The following MYO10 variants were observed in gnomAD, a reference collection of about 807,000 sequenced individuals.
MYO10 encodes the protein unconventional myosin-X.
In MYO10, 133 loss-of-function variants were observed where a neutral mutation model predicts 257.3. The observed-to-expected ratio is 0.52, with a 90% CI of 0.45 to 0.60. MYO10 has a LOEUF of 0.60. Among genes scored for constraint, MYO10 ranks in the 20% least tolerant of loss-of-function variants. The pLI, the probability that MYO10 is intolerant of heterozygous loss-of-function variation, is 0.00. For synonymous variants in MYO10, 1,104 were observed against 1,028.6 expected, an observed-to-expected ratio of 1.07 and a Z score of -1.40; for missense variants, 2,399 against 2,635.7, an observed-to-expected ratio of 0.91 and a Z score of 1.97.
chr5:16,815,479 A>C (rs1446588236), intron 3 of MYO10: 1 of 695,822 alleles, frequency 1.4e-6, no homozygotes, highest in Non-Finnish European at 2.6e-6. Context: ...AGAGACATAC[A>C]CCAATAAAAA....
At chr5:16,694,284 T>C (rs1737633093) in intron 27 of MYO10, 87 bp downstream of exon 27, 26 of 1,576,896 alleles carry the variant, frequency 1.6e-5, no homozygotes, top group South Asian at 3.5e-5. Flanking sequence ...CTACTGCCGC[T>C]GCAAGGAACT....
chr5:16,869,544 A>T (rs1225439490), intron 2 of MYO10, among the ~76,000 whole-genome samples: 1 of 152,038 alleles, frequency 6.6e-6, no homozygotes, highest in Non-Finnish European at 1.5e-5. Flanking sequence ...ACCCCAGCCT[A>T]GATGACAGAG....
At chr5:16,739,995 A>G (rs1430567326) in intron 19 of MYO10, among the ~76,000 whole-genome samples, 1 of 152,158 alleles carries the variant, frequency 6.6e-6, no homozygotes, top group Non-Finnish European at 1.5e-5. Flanking sequence ...TTGCCGGAGA[A>G]AAAAACAAGG....
At chr5:16,763,305 C>T (rs1395782750) in intron 14 of MYO10, among the ~76,000 whole-genome samples, 176 bp downstream of exon 14, 2 of 152,128 alleles carry the variant, frequency 1.3e-5, no homozygotes, top group Non-Finnish European at 2.9e-5. Flanking sequence ...TTTGAAGCAG[C>T]CAAGTATTTA....
chr5:16,849,380 T>C (rs1743733506), intron 2 of MYO10, among the ~76,000 whole-genome samples: 2 of 151,244 alleles, frequency 1.3e-5, no homozygotes, highest in Admixed American at 6.6e-5. Context: ...TATGAGTAAA[T>C]GTTTACTAAT....
intron 3 of MYO10, among the ~76,000 whole-genome samples, chr5:16,816,221 C>T (rs1742603243): frequency 6.6e-6 from 1 of 151,570 alleles, no homozygotes; most frequent in African/African-American, 2.4e-5. Flanking sequence ...CGCCTGTAGT[C>T]CCAGCTACTC....
intron 19 of MYO10, among the ~76,000 whole-genome samples, chr5:16,743,418 G>T (rs1255568323): frequency 6.6e-6 from 1 of 152,090 alleles, no homozygotes; most frequent in African/African-American, 2.4e-5. Context: ...CGAGGTGAGT[G>T]GATCACCTGA....
At chr5:16,818,267 G>A (rs1310642384) in intron 2 of MYO10, 100 bp from the exon 3 acceptor site, 9 of 1,054,880 alleles carry the variant, frequency 8.5e-6, no homozygotes, top group South Asian at 2.1e-5. Flanking sequence ...ATAATTTCAG[G>A]AAAAAGATTC....
At chr5:16,728,886 CT>C (rs1739472081) in intron 19 of MYO10, among the ~76,000 whole-genome samples, 3 of 152,244 alleles carry the variant, frequency 2.0e-5, no homozygotes, top group African/African-American at 7.2e-5. Flanking sequence ...TTACAGCGAT[CT>C]GATGTGGCTG....
intron 1 of MYO10, among the ~76,000 whole-genome samples, chr5:16,904,398 A>C (rs1017169388): frequency 4.6e-5 from 7 of 152,314 alleles, no homozygotes; most frequent in African/African-American, 1.7e-4. Context: ...AGATCAAGGG[A>C]ACCCTGATGT....
At chr5:16,812,771 T>A (rs1049977254) in intron 3 of MYO10, among the ~76,000 whole-genome samples, 1 of 152,062 alleles carries the variant, frequency 6.6e-6, no homozygotes, top group African/African-American at 2.4e-5. Context: ...CTTTAAAACA[T>A]CCCTGTTAAG....
intron 3 of MYO10, among the ~76,000 whole-genome samples, chr5:16,811,249 C>A (rs970368714): frequency 3.9e-5 from 6 of 152,144 alleles, no homozygotes; most frequent in African/African-American, 1.4e-4. Flanking sequence ...TTCTCAGCAT[C>A]CCTGGCCTCT....
intron 3 of MYO10, among the ~76,000 whole-genome samples, chr5:16,800,058 G>T (rs930835647): frequency 6.6e-6 from 1 of 152,174 alleles, no homozygotes; most frequent in Non-Finnish European, 1.5e-5. Context: ...GAGAGTGAAA[G>T]ACCAAAACCA....
chr5:16,666,894 C>T (rs26743), intron 40 of MYO10, 101 bp from the exon 41 acceptor site: 864,776 of 865,222 alleles, frequency 1, 432,165 homozygotes, highest in East Asian at 1. Flanking sequence ...CTCCCGTAGC[C>T]TTCCATGCTA....
chr5:16,704,441 C>T (rs533272942), intron 22 of MYO10, 138 bp downstream of exon 22: 86 of 651,536 alleles, frequency 1.3e-4, no homozygotes, highest in Middle Eastern at 1.1e-3. Flanking sequence ...AGCTAGGTTT[C>T]GGGAGTGGCT....
At chr5:16,828,400 C>T (rs751093338) in intron 2 of MYO10, among the ~76,000 whole-genome samples, 5 of 152,062 alleles carry the variant, frequency 3.3e-5, no homozygotes, top group Non-Finnish European at 5.9e-5. Flanking sequence ...CACCTGAGGT[C>T]AGGAGTTCAA....
intron 1 of MYO10, among the ~76,000 whole-genome samples, chr5:16,925,631 C>T (rs1282669802): frequency 2.0e-5 from 3 of 152,154 alleles, no homozygotes; most frequent in Non-Finnish European, 2.9e-5. Context: ...AGGCTGGTCT[C>T]GAACTCCTGA....
In MYO10 at chr5:16,935,920, G is replaced by T; in HGVS notation, c.-112C>A. The T allele has an allele frequency of 7.6e-7, 1 of 1,322,626 alleles. No homozygotes were observed. The highest frequency in any genetic ancestry group is 1.1e-6 in the Non-Finnish European group (1 of 946,050). The allele number at this position is 1,322,626 out of a possible 1,614,324, so 81.9% of individuals were successfully genotyped here. On this transcript the variant is annotated 5_prime_UTR_variant, in exon 1 of 41. Transcript: ENST00000513610. ...CACGGCGCCACTCCCGAGGACGCGC[G>T]CCCGCGGGGCTCCCCTGCTGCCATC... is the stretch of plus-strand genomic sequence containing the variant.
chr5:16,780,478 GA>G, intron 8 of MYO10, 45 bp downstream of exon 8: 1 of 1,459,792 alleles, frequency 6.9e-7, no homozygotes, highest in Non-Finnish European at 9.4e-7. Flanking sequence ...TATTTAAATG[GA>G]AAATGAGTTG....
Sources: allele counts gnomAD v4.1 joint callset (sites outside exome capture counted in the v4.1 genomes callset), GRCh38; gene constraint gnomAD v4.1.1; transcripts MANE v1.5; gene names NCBI Gene and HGNC (gene_info 2026-07-23, HGNC 2026-07-21).